EML4: variants seen among roughly 807,000 people sequenced by gnomAD.
EML4 encodes the protein echinoderm microtubule-associated protein-like 4.
Under a neutral mutation model 129.0 loss-of-function variants are expected in EML4, and 72 were observed. That is an observed-to-expected ratio of 0.56 (90% CI 0.46 to 0.68). The LOEUF is 0.68. EML4 is among the 30% of genes least tolerant of loss of function. EML4 has a pLI of 0.00. For missense variants in EML4, 1,363 were observed against 1,190.6 expected (o/e 1.14, Z -2.13); for synonymous variants, 532 against 405.0 (o/e 1.31, Z -3.77).
At chr2:42,186,877 T>C (rs1462820098) in intron 1 of EML4, among the ~76,000 whole-genome samples, 8 of 152,076 alleles carry the variant, frequency 5.3e-5, no homozygotes, top group Admixed American at 5.2e-4. Context: ...ATTTATATCA[T>C]TGTGTATTCA....
chr2:42,214,448 T>TC (rs1463423845), intron 1 of EML4, among the ~76,000 whole-genome samples: 36 of 152,022 alleles, frequency 2.4e-4, no homozygotes, highest in Admixed American at 7.9e-4. Context: ...GATTTTTTTT[T>TC]CCCATTTTTT....
At chr2:42,309,771 T>C (rs549791782) in intron 17 of EML4, among the ~76,000 whole-genome samples, 22 of 152,218 alleles carry the variant, frequency 1.4e-4, no homozygotes, top group Non-Finnish European at 2.9e-4. Context: ...TTTTTATATA[T>C]TCTGGATACA....
intron 13 of EML4, among the ~76,000 whole-genome samples, chr2:42,297,214 CTTTTCTT>C (rs1393529017): frequency 6.6e-6 from 1 of 152,142 alleles, no homozygotes; most frequent in African/African-American, 2.4e-5. Context: ...ATTTATTTCT[CTTTTCTT>C]TTTTTCTTAT....
Position 42,316,445 on chromosome 2 carries a change from A to G in EML4, c.2056+395A>G, listed in dbSNP as rs922749491. 2.6e-5 allele frequency among the ~76,000 whole-genome samples: 4 copies of G among 152,344 alleles called. No homozygotes were observed. In the East Asian group the frequency reaches 5.8e-4, roughly 22 times the overall value. ...TTACAGCGAAATTCAAAATACGCAAATTGTATAGGCCCTTCAAGTCCTTTA... is the reference window on the plus strand; with the variant it reads ...TTACAGCGAAATTCAAAATACGCAAGTTGTATAGGCCCTTCAAGTCCTTTA... On this transcript the variant is annotated intron_variant, in intron 18 of 22. Coordinates refer to ENST00000318522, the MANE Select transcript of EML4 (RefSeq NM_019063.5).
chr2:42,315,173 C>T (rs1669176132), intron 17 of EML4, among the ~76,000 whole-genome samples: 2 of 152,172 alleles, frequency 1.3e-5, no homozygotes, highest in South Asian at 2.1e-4. Context: ...AATGTCTGAA[C>T]ATTCCCTCAG....
chr2:42,321,921 T>C (rs574860889), intron 19 of EML4, among the ~76,000 whole-genome samples: 87 of 152,306 alleles, frequency 5.7e-4, no homozygotes, highest in Admixed American at 1.3e-3. Context: ...ATAACTAAGA[T>C]CTGAAAGAAT....
intron 1 of EML4, 91 bp downstream of exon 1, chr2:42,169,727 C>T (rs983909091): frequency 2.1e-6 from 3 of 1,443,640 alleles, no homozygotes; most frequent in East Asian, 2.6e-5. Context: ...TCCCGCCTGC[C>T]CCTCGGGGTG....
intron 16 of EML4, 98 bp from the exon 17 acceptor site, chr2:42,304,386 T>A (rs1197181055): frequency 1.5e-5 from 12 of 814,192 alleles, no homozygotes; most frequent in Non-Finnish European, 2.3e-5. Flanking sequence ...TGAAATGTTA[T>A]GTTTGAATGA....
intron 20 of EML4, 116 bp from the exon 21 acceptor site, chr2:42,326,038 T>A: frequency 3.7e-6 from 5 of 1,357,088 alleles, no homozygotes; most frequent in Middle Eastern, 1.9e-4. Context: ...GTCTTAATGT[T>A]TTTCAGTGTA....
At chr2:42,236,674 G>T in intron 1 of EML4, among the ~76,000 whole-genome samples, 1 of 151,528 alleles carries the variant, frequency 6.6e-6, no homozygotes, top group East Asian at 1.9e-4. Context: ...GGGTAACACA[G>T]TGGAATTGCT....
chr2:42,177,513 C>G (rs1281592812), intron 1 of EML4, among the ~76,000 whole-genome samples: 3 of 152,090 alleles, frequency 2.0e-5, no homozygotes, highest in African/African-American at 7.2e-5. Context: ...GTCCCAGATA[C>G]TCGAGAGGCT....
chr2:42,218,163 C>G (rs1449125315), intron 1 of EML4, among the ~76,000 whole-genome samples: 1 of 152,114 alleles, frequency 6.6e-6, no homozygotes, highest in African/African-American at 2.4e-5. Context: ...TGCCTTCTGT[C>G]AGATCAGTGG....
rs149109098 is a variant in EML4, at chr2:42,230,129, C to A, written c.26-15376C>A. On this transcript the variant is annotated intron_variant, in intron 1 of 22. Transcript: ENST00000318522. Reference sequence around the variant, plus strand: ...TGCATGTCACCAAACTAATAAGTGTCTTTTTTTCATTCCCTGTTTTATCCT... The same window carrying A: ...TGCATGTCACCAAACTAATAAGTGTATTTTTTTCATTCCCTGTTTTATCCT... 6.3e-3 allele frequency among the ~76,000 whole-genome samples: 952 copies of A among 152,180 alleles called. 14 individuals are homozygous for A. Among genetic ancestry groups the A allele is most frequent in the African/African-American group, 0.022 (914 of 41,532 alleles).
In EML4 at chr2:42,295,226, C is replaced by T; in HGVS notation, c.1320C>T (p.Gly440=). Residue 440 remains glycine, a synonymous_variant, in exon 12 of 23, where the codon GGC becomes GGT. Transcript: ENST00000318522. ...ATATTTTCTTCTGGACCTGGAGCGGCAATTCACTAACAAGAAAACAGGGAA... is the reference window on the plus strand; with the variant it reads ...ATATTTTCTTCTGGACCTGGAGCGGTAATTCACTAACAAGAAAACAGGGAA... ...KSHIFFWTWS[G]NSLTRKQGIF... is the part of the protein sequence containing the mutation. The T allele has an allele frequency of 6.2e-7, 1 of 1,613,750 alleles. No homozygotes were observed. Among genetic ancestry groups the T allele is most frequent in the Non-Finnish European group, 8.5e-7 (1 of 1,179,920 alleles).
intron 1 of EML4, among the ~76,000 whole-genome samples, chr2:42,213,137 C>G (rs371696659): frequency 6.6e-6 from 1 of 152,156 alleles, no homozygotes; most frequent in Non-Finnish European, 1.5e-5. Flanking sequence ...AAAATGTAAA[C>G]TTTTAATTGA....
chr2:42,221,804 G>T (rs185355836), intron 1 of EML4, among the ~76,000 whole-genome samples: 265 of 151,884 alleles, frequency 1.7e-3, no homozygotes, highest in African/African-American at 6.2e-3. Flanking sequence ...AGGTTTCGTC[G>T]TGTTGGCCAG....
At chr2:42,321,222 A>C (rs899136260) in intron 19 of EML4, among the ~76,000 whole-genome samples, 4 of 151,928 alleles carry the variant, frequency 2.6e-5, no homozygotes, top group Non-Finnish European at 5.9e-5. Flanking sequence ...TCTCTACTAA[A>C]AATACAAAAA....
At chr2:42,204,291 C>T (rs1672411133) in intron 1 of EML4, among the ~76,000 whole-genome samples, 1 of 152,100 alleles carries the variant, frequency 6.6e-6, no homozygotes, top group East Asian at 1.9e-4. Context: ...GCTATATAAG[C>T]AGTTAGTGGC....
chr2:42,317,412 C>T lies in EML4; in HGVS notation c.2057-15C>T, dbSNP rs908936279. Reference sequence around the variant, plus strand: ...AGTATATTTCTCTAGTCAACACTGACCTATTTTATTCTAGATGGTACCTTC... The same window carrying T: ...AGTATATTTCTCTAGTCAACACTGATCTATTTTATTCTAGATGGTACCTTC... On this transcript the variant is annotated splice_polypyrimidine_tract_variant and intron_variant, in intron 18 of 22. Coordinates refer to ENST00000318522, the MANE Select transcript of EML4 (RefSeq NM_019063.5). The T allele has an allele frequency of 6.7e-7, 1 of 1,501,800 alleles. No individual in the cohort carries two copies. The allele number at this position is 1,501,800 out of a possible 1,614,324, so 93.0% of individuals were successfully genotyped here. A position where few individuals can be genotyped will look rare whatever the true frequency, so the allele number is the denominator to read the frequency against.
Sources: allele counts gnomAD v4.1 joint callset (sites outside exome capture counted in the v4.1 genomes callset), GRCh38; gene constraint gnomAD v4.1.1; transcripts MANE v1.5; gene names NCBI Gene and HGNC (gene_info 2026-07-23, HGNC 2026-07-21).